TBXAS1: variants seen among roughly 807,000 people sequenced by gnomAD.
The protein encoded by TBXAS1 is thromboxane A synthase 1.
A neutral mutation model predicts 60.7 loss-of-function variants in TBXAS1; 48 were observed. The observed-to-expected ratio is 0.79, with a 90% CI of 0.63 to 1.01. The LOEUF is 1.01. Among genes scored for constraint, TBXAS1 ranks in the 50% least tolerant of loss-of-function variants. TBXAS1 has a pLI of 0.00. For synonymous variants in TBXAS1, 287 were observed against 269.7 expected, an observed-to-expected ratio of 1.06 and a Z score of -0.63; for missense variants, 685 against 686.3, an observed-to-expected ratio of 1.00 and a Z score of 0.02.
At chr7:139,846,782 C>T (rs779921063) in intron 1 of TBXAS1, among the ~76,000 whole-genome samples, 25 of 152,032 alleles carry the variant, frequency 1.6e-4, no homozygotes, top group African/African-American at 5.8e-4. Flanking sequence ...TTTAAAAATG[C>T]GTATCAGACT....
At chr7:139,978,775 C>CAA (rs35583867) in intron 9 of TBXAS1, among the ~76,000 whole-genome samples, 61 of 90,866 alleles carry the variant, frequency 6.7e-4, no homozygotes, top group Non-Finnish European at 8.1e-4. Context: ...CCTGCCTCTA[C>CAA]AAAAAAAAAA....
chr7:139,957,314 G>A (rs1809940026), intron 7 of TBXAS1, among the ~76,000 whole-genome samples: 1 of 152,166 alleles, frequency 6.6e-6, no homozygotes, highest in Non-Finnish European at 1.5e-5. Context: ...GAAGTACAAA[G>A]ACCTTCAGGT....
chr7:139,784,020 T>TTG (rs1554462471), intron 3 of TBXAS1, among the ~76,000 whole-genome samples: 1 of 151,186 alleles, frequency 6.6e-6, no homozygotes, highest in Non-Finnish European at 1.5e-5. Context: ...TGTTTTTTTT[T>TTG]TTTTTGTATT....
In TBXAS1 at chr7:140,017,788, CCACGTGCTG is replaced by C; in HGVS notation, c.1486_1494del (p.Val496_His498del). On this transcript the variant is annotated inframe_deletion, in exon 12 of 13. Coordinates refer to ENST00000448866, the MANE Select transcript of TBXAS1 (RefSeq NM_001061.7). ...TGCTTGAGGTCAAGTTGACACTGCT[CCACGTGCTG>C]CACAAGTTCCGGTTCCAAGCCTGCC... The C allele has an allele frequency of 6.2e-7, 1 of 1,614,122 alleles. No individual in the cohort carries two copies.
chr7:139,966,420 A>G (rs62490101), intron 9 of TBXAS1, among the ~76,000 whole-genome samples: 3 of 152,174 alleles, frequency 2.0e-5, no homozygotes, highest in South Asian at 2.1e-4. Flanking sequence ...CAGAGGGCAG[A>G]GCTGCCTTCA....
intron 3 of TBXAS1, among the ~76,000 whole-genome samples, chr7:139,909,425 T>C (rs1291796608): frequency 6.6e-6 from 1 of 152,144 alleles, no homozygotes; most frequent in Non-Finnish European, 1.5e-5. Context: ...AAAGAATTGG[T>C]TTATGGCCTT....
intron 9 of TBXAS1, among the ~76,000 whole-genome samples, chr7:139,992,585 C>T (rs1034660627): frequency 2.4e-4 from 37 of 152,350 alleles, no homozygotes; most frequent in Admixed American, 7.8e-4. Context: ...GAAATAGCAT[C>T]AGGTGGAGGA....
intron 4 of TBXAS1, among the ~76,000 whole-genome samples, chr7:139,930,825 A>G (rs1807262469): frequency 6.6e-6 from 1 of 152,110 alleles, no homozygotes; most frequent in Non-Finnish European, 1.5e-5. Context: ...GGGCAGGGAA[A>G]TCAGTTAGGG....
intron 4 of TBXAS1, among the ~76,000 whole-genome samples, chr7:139,809,320 T>TTAGATAGATAGATAGA (rs55917453): frequency 4.7e-3 from 677 of 144,902 alleles, no homozygotes; most frequent in African/African-American, 5.3e-3. Context: ...CAATAGGAGA[T>TTAGATAGATAGATAGA]TAGATAGATA....
chr7:139,964,922 T>C (rs932323890), intron 9 of TBXAS1, among the ~76,000 whole-genome samples: 1 of 152,154 alleles, frequency 6.6e-6, no homozygotes, highest in East Asian at 1.9e-4. Flanking sequence ...ACACAGCAAG[T>C]GCTCATGTTA....
intron 2 of TBXAS1, among the ~76,000 whole-genome samples, chr7:139,872,866 C>T (rs1003235619): frequency 1.1e-4 from 16 of 152,110 alleles, no homozygotes; most frequent in Admixed American, 1.0e-3. Flanking sequence ...GTCCTGTCAT[C>T]CATTCACTCA....
At chr7:139,957,859 A>G in intron 8 of TBXAS1, 95 bp downstream of exon 8, 1 of 1,554,694 alleles carries the variant, frequency 6.4e-7, no homozygotes, top group Non-Finnish European at 8.8e-7. Context: ...AGCCCCGCAC[A>G]TCACACCGTG....
chr7:139,865,638 G>A (rs1295368452), intron 1 of TBXAS1, among the ~76,000 whole-genome samples: 4 of 90,262 alleles, frequency 4.4e-5, no homozygotes, highest in African/African-American at 1.8e-4. Context: ...AGGAGGAAGA[G>A]GAGGAGGAGG....
At chr7:139,819,370 C>A (rs1569494215) in intron 4 of TBXAS1, among the ~76,000 whole-genome samples, 1 of 152,218 alleles carries the variant, frequency 6.6e-6, no homozygotes, top group Non-Finnish European at 1.5e-5. Context: ...TGGAAGGCTG[C>A]CTACTGAACA....
At chr7:139,923,841 T>C (rs1249391077) in intron 4 of TBXAS1, among the ~76,000 whole-genome samples, 1 of 152,214 alleles carries the variant, frequency 6.6e-6, no homozygotes, top group Non-Finnish European at 1.5e-5. Context: ...ACTATCTCCA[T>C]GAGTTCAATT....
intron 1 of TBXAS1, among the ~76,000 whole-genome samples, chr7:139,840,302 C>T (rs1016939744): frequency 8.5e-5 from 13 of 152,068 alleles, no homozygotes; most frequent in African/African-American, 2.4e-4. Context: ...TTCCCTGGCA[C>T]AATGGGAGGT....
intron 4 of TBXAS1, among the ~76,000 whole-genome samples, chr7:139,822,466 G>A (rs140871254): frequency 1.3e-3 from 191 of 152,134 alleles, no homozygotes; most frequent in African/African-American, 4.4e-3. Context: ...CTCTCAAAAT[G>A]AAAATTATTT....
intron 2 of TBXAS1, among the ~76,000 whole-genome samples, chr7:139,781,837 CAAAAAAAAAAA>C (rs200999267): frequency 2.5e-4 from 17 of 67,316 alleles, no homozygotes; most frequent in African/African-American, 8.9e-4. Context: ...AATTCCATCT[CAAAAAAAAAAA>C]AAAAAAAAAA....
chr7:139,910,559 C>T (rs1460019341), intron 3 of TBXAS1, among the ~76,000 whole-genome samples: 1 of 152,172 alleles, frequency 6.6e-6, no homozygotes, highest in East Asian at 1.9e-4. Flanking sequence ...ATCGCTTGAA[C>T]CCGGGAGGGG....
Sources: allele counts gnomAD v4.1 joint callset (sites outside exome capture counted in the v4.1 genomes callset), GRCh38; gene constraint gnomAD v4.1.1; transcripts MANE v1.5; gene names NCBI Gene and HGNC (gene_info 2026-07-23, HGNC 2026-07-21).